IQCE: variants seen among roughly 807,000 people sequenced by gnomAD.
IQCE encodes IQ motif containing E, also known as IQ domain-containing protein E.
In IQCE, 115 loss-of-function variants were observed where a neutral mutation model predicts 96.0. The observed-to-expected ratio is 1.20, with a 90% CI of 1.03 to 1.40. IQCE has a LOEUF of 1.40. Among genes scored for constraint, IQCE ranks in the 40% most tolerant of loss-of-function variants. The pLI is 0.00. For synonymous variants in IQCE, 412 were observed against 371.2 expected (o/e 1.11, Z -1.26); for missense variants, 1,041 against 909.1 (o/e 1.15, Z -1.87).
In IQCE at chr7:2,563,726, C is replaced by T. The variant is rs372295473; in HGVS notation, c.37-3390C>T. 6.1e-4 allele frequency among the ~76,000 whole-genome samples: 92 copies of T among 151,428 alleles called. 1 individual carries two copies. In the East Asian group the frequency reaches 0.011, roughly 19 times the overall value. On this transcript the variant is annotated intron_variant, in intron 1 of 21. Transcript: ENST00000402050. ...TGGCTAACACAGTGAAACCCCGTCT[C>T]TACTAAAAATACAAAAAATTAGCCG...
At chr7:2,560,493 A>G (rs1289614422) in intron 1 of IQCE, among the ~76,000 whole-genome samples, 1 of 152,214 alleles carries the variant, frequency 6.6e-6, no homozygotes, top group East Asian at 1.9e-4. Context: ...AACTTGGAGC[A>G]GCTGAAGTTG....
chr7:2,575,411 C>T (rs1383889142), intron 6 of IQCE, among the ~76,000 whole-genome samples: 1 of 152,232 alleles, frequency 6.6e-6, no homozygotes, highest in Non-Finnish European at 1.5e-5. Flanking sequence ...GGTGCTGACA[C>T]CGCCCTAGCT....
At position 2,605,008 on chromosome 7, in the gene IQCE, G is replaced by T. The variant is rs768475559; in HGVS notation, c.1743+17G>T. 1.3e-6 allele frequency: 2 copies of T among 1,559,830 alleles called. 1 individual carries two copies. The highest frequency in any genetic ancestry group is 2.2e-5 in the South Asian group (2 of 89,852). ...CCAGACCAGGTAATGTCGGGGTGCT[G>T]GACGTCCCAGTGGCCATCTGCAGAG... On this transcript the variant is annotated intron_variant, in intron 19 of 21. Transcript: ENST00000402050.
intron 2 of IQCE, 136 bp from the exon 3 acceptor site, chr7:2,568,818 C>T: frequency 1.3e-6 from 1 of 745,446 alleles, no homozygotes; most frequent in Non-Finnish European, 2.2e-6. Context: ...GTTCCTGGAC[C>T]CTCCTTACGT....
In IQCE at chr7:2,586,952, G is replaced by A. The variant is rs559664485; in HGVS notation, c.988+581G>A. On this transcript the variant is annotated intron_variant, in intron 12 of 21. Coordinates refer to ENST00000402050, the MANE Select transcript of IQCE (RefSeq NM_152558.5). ...GGAGGGGGGCCGTGCTGCTTCCCGAGGCCCCCTGGCTTCTGTGCAGAGATG... is the reference window on the plus strand; with the variant it reads ...GGAGGGGGGCCGTGCTGCTTCCCGAAGCCCCCTGGCTTCTGTGCAGAGATG... Among the ~76,000 whole-genome samples the A allele has an allele frequency of 3.3e-5, 5 of 152,268 alleles. No homozygotes were observed. The South Asian group carries it at 8.3e-4, about 25-fold the overall frequency.
At position 2,607,230 on chromosome 7, in the gene IQCE, A is replaced by G; in HGVS notation, c.1969+3A>G. The stretch of plus-strand genomic sequence containing the variant: ...ACCCTTCCTCGCAGCTCTTCCTGGT[A>G]ATTTCATTCATTTGGATTCTGGCAC... On this transcript the variant is annotated splice_donor_region_variant and intron_variant, in intron 21 of 21. Coordinates refer to ENST00000402050, the MANE Select transcript of IQCE (RefSeq NM_152558.5). 1 of 1,613,628 alleles carries G rather than the reference A, an allele frequency of 6.2e-7. No homozygotes were observed.
intron 19 of IQCE, 85 bp from the exon 20 acceptor site, chr7:2,605,791 C>CG (rs1165135644): frequency 2.2e-6 from 3 of 1,351,376 alleles, no homozygotes; most frequent in Non-Finnish European, 2.9e-6. Context: ...GTCTCCCTGA[C>CG]GCCCAGGGTG....
intron 16 of IQCE, chr7:2,597,279 C>G (rs749782471): frequency 1.8e-5 from 7 of 379,460 alleles, no homozygotes; most frequent in Non-Finnish European, 3.8e-5. Context: ...GTGTGGGGCC[C>G]AATACAGGAG....
chr7:2,572,061 C>A, intron 4 of IQCE, 131 bp from the exon 5 acceptor site: 2 of 965,216 alleles, frequency 2.1e-6, no homozygotes, highest in Non-Finnish European at 3.1e-6. Flanking sequence ...AACCATTTAC[C>A]AGCACGACAC....
At chr7:2,581,673 T>A (rs533589326) in intron 8 of IQCE, among the ~76,000 whole-genome samples, 3 of 151,930 alleles carry the variant, frequency 2.0e-5, no homozygotes, top group South Asian at 4.2e-4. Context: ...AAACCCCATC[T>A]CTATTTAAAA....
chr7:2,601,164 G>T (rs1447556122), intron 17 of IQCE, among the ~76,000 whole-genome samples: 1 of 152,194 alleles, frequency 6.6e-6, no homozygotes, highest in African/African-American at 2.4e-5. Flanking sequence ...CACAGCCAGG[G>T]GACTGGCACA....
chr7:2,562,260 A>G (rs1171875408), intron 1 of IQCE, among the ~76,000 whole-genome samples: 3 of 151,192 alleles, frequency 2.0e-5, no homozygotes, highest in Non-Finnish European at 4.4e-5. Context: ...GTGCACATAA[A>G]TATATACCAG....
chr7:2,593,263 G>T (rs1485745730), intron 15 of IQCE, 137 bp downstream of exon 15: 2 of 1,355,290 alleles, frequency 1.5e-6, no homozygotes, highest in Admixed American at 2.4e-5. Flanking sequence ...GTCTTTCATG[G>T]TTTTCTGTCA....
intron 8 of IQCE, 73 bp downstream of exon 8, chr7:2,578,599 T>C (rs1195527103): frequency 3.9e-6 from 6 of 1,527,470 alleles, no homozygotes; most frequent in Middle Eastern, 1.7e-4. Context: ...GAGGGACGCC[T>C]TTCCCTGCAG....
In IQCE at chr7:2,593,253, G is replaced by A. The variant is rs1783754920; in HGVS notation, c.1349+127G>A. On this transcript the variant is annotated intron_variant, in intron 15 of 21. Transcript: ENST00000402050. ...CTTAGAAAGGCCACACCTCCTCACA[G>A]TCTTTCATGGTTTTCTGTCACCCAG... The A allele has an allele frequency of 2.9e-6, 4 of 1,372,408 alleles. No homozygotes were observed. In the Admixed American group the frequency reaches 6.9e-5, roughly 24 times the overall value. The allele number at this position is 1,372,408 out of a possible 1,614,324, so 85.0% of individuals were successfully genotyped here.
rs1322157418 is a variant in IQCE, at chr7:2,586,240, G to T, written c.857G>T (p.Arg286Met). The change falls in exon 12 of 22, where the codon AGG (arginine) becomes ATG (methionine). Residue 286 changes from arginine (R) to methionine (M), a missense_variant. Coordinates refer to ENST00000402050, the MANE Select transcript of IQCE (RefSeq NM_152558.5). Reference sequence around the variant, plus strand: ...GGGGAGAAGAAGACGGGCGCCAAAAGGCAGAAGAAGATGGGCAGTGCCCTC... The same window carrying T: ...GGGGAGAAGAAGACGGGCGCCAAAATGCAGAAGAAGATGGGCAGTGCCCTC... ...PLGEKKTGAK[R>M]QKKMGSALLS... is the part of the protein sequence containing the mutation. 1.9e-6 allele frequency: 3 copies of T among 1,613,842 alleles called. No individual in the cohort carries two copies. The African/African-American group carries it at 4.0e-5, about 22-fold the overall frequency.
rs548497140 is a variant in IQCE, at chr7:2,611,114, T to C, written c.*952T>C. ...CCTCTGCACTCCCAAGCTCCATGGCTGGGCTGGGCTGGGCTGGGCTGGGCT... is the reference window on the plus strand; with the variant it reads ...CCTCTGCACTCCCAAGCTCCATGGCCGGGCTGGGCTGGGCTGGGCTGGGCT... On this transcript the variant is annotated 3_prime_UTR_variant, in exon 22 of 22. Transcript: ENST00000402050. 1.0e-5 allele frequency: 1 copy of C among 96,730 alleles called. No homozygotes were observed. Among genetic ancestry groups the C allele is most frequent in the Non-Finnish European group, 2.1e-5 (1 of 48,100 alleles). The allele number at this position is 96,730 out of a possible 1,614,324, so 6.0% of individuals were successfully genotyped here.
chr7:2,610,219 C>T lies in IQCE; in HGVS notation c.*57C>T, dbSNP rs201803520. ...AGCGCTGCCGAGGACATAGGAACCA[C>T]GACTGGAAAGATAATTTATCGTGTT... On this transcript the variant is annotated 3_prime_UTR_variant, in exon 22 of 22. Transcript: ENST00000402050. The T allele has an allele frequency of 1.1e-5, 11 of 979,474 alleles. No individual in the cohort carries two copies. Among genetic ancestry groups the T allele is most frequent in the East Asian group, 2.4e-5 (1 of 41,910 alleles). 60.7% of individuals were successfully genotyped at this position (979,474 alleles called of 1,614,324 possible). A position where few individuals can be genotyped will look rare whatever the true frequency, so the allele number is the denominator to read the frequency against.
chr7:2,596,894 C>A, intron 16 of IQCE: 1 of 442,208 alleles, frequency 2.3e-6, no homozygotes. Flanking sequence ...CAACTTGTTG[C>A]CACAGCTAAA....
Sources: allele counts gnomAD v4.1 joint callset (sites outside exome capture counted in the v4.1 genomes callset), GRCh38; gene constraint gnomAD v4.1.1; transcripts MANE v1.5; gene names NCBI Gene and HGNC (gene_info 2026-07-23, HGNC 2026-07-21).